Variants in FAM193A observed in about 807,000 individuals in gnomAD.
The protein encoded by FAM193A is family with sequence similarity 193 member A, also known as protein FAM193A.
FAM193A carries 22 observed loss-of-function variants against 126.5 expected under a neutral mutation model. The ratio of observed to expected loss-of-function variants is 0.17; its 90% CI spans 0.12 to 0.25. FAM193A has a LOEUF of 0.25. Among genes scored for constraint, FAM193A ranks in the 10% least tolerant of loss-of-function variants. The pLI, the probability that FAM193A is intolerant of heterozygous loss-of-function variation, is 1.00. For missense variants in FAM193A, 1,675 were observed against 1,672.8 expected (o/e 1.00, Z -0.02); for synonymous variants, 761 against 646.8 (o/e 1.18, Z -2.68).
intron 1 of FAM193A, among the ~76,000 whole-genome samples, chr4:2,566,161 C>T (rs1161519845): frequency 2.6e-5 from 4 of 151,844 alleles, no homozygotes; most frequent in South Asian, 2.1e-4. Context: ...CATTCTGCTG[C>T]CTCAACCTGA....
chr4:2,660,240 C>G (rs571787198), intron 10 of FAM193A, among the ~76,000 whole-genome samples, 186 bp downstream of exon 10: 2 of 151,246 alleles, frequency 1.3e-5, no homozygotes, highest in South Asian at 4.2e-4. Context: ...CACTGTTTAT[C>G]TGGGAAAAAA....
intron 12 of FAM193A, among the ~76,000 whole-genome samples, chr4:2,668,434 T>G (rs2298963): frequency 0.84 from 127,404 of 151,934 alleles, 53,951 homozygotes; most frequent in African/African-American, 0.96. Flanking sequence ...GGCTGGTCTC[T>G]AACTGGCCTC....
chr4:2,584,771 A>G (rs1429867205), intron 1 of FAM193A, among the ~76,000 whole-genome samples: 1 of 152,044 alleles, frequency 6.6e-6, no homozygotes, highest in Non-Finnish European at 1.5e-5. Flanking sequence ...CTAAAAATAC[A>G]AAAATTAGCT....
intron 2 of FAM193A, among the ~76,000 whole-genome samples, chr4:2,606,886 T>G (rs1741581001): frequency 6.6e-6 from 1 of 152,230 alleles, no homozygotes; most frequent in South Asian, 2.1e-4. Context: ...AAATTATGAT[T>G]ATGAGAAAAG....
At chr4:2,595,105 G>A (rs1560467645) in intron 1 of FAM193A, among the ~76,000 whole-genome samples, 2 of 151,782 alleles carry the variant, frequency 1.3e-5, no homozygotes, top group Admixed American at 1.3e-4. Flanking sequence ...CTAGAGTGCA[G>A]TGGCACGATC....
At chr4:2,572,926 A>G (rs530550586) in intron 1 of FAM193A, among the ~76,000 whole-genome samples, 1 of 152,048 alleles carries the variant, frequency 6.6e-6, no homozygotes, top group Non-Finnish European at 1.5e-5. Flanking sequence ...GGTTGAACGT[A>G]GCAGGATCAA....
intron 20 of FAM193A, among the ~76,000 whole-genome samples, chr4:2,729,394 C>T (rs1257890950): frequency 2.6e-5 from 4 of 152,156 alleles, no homozygotes; most frequent in East Asian, 3.9e-4. Flanking sequence ...AGAAGGGACG[C>T]GAGGCCCTGA....
intron 1 of FAM193A, among the ~76,000 whole-genome samples, chr4:2,547,029 T>C (rs1195947980): frequency 6.6e-6 from 1 of 152,180 alleles, no homozygotes; most frequent in Non-Finnish European, 1.5e-5. Context: ...GGCAGTCTAC[T>C]GGTCTGGCCT....
intron 15 of FAM193A, among the ~76,000 whole-genome samples, chr4:2,691,720 G>C (rs1325380122): frequency 3.3e-5 from 5 of 150,866 alleles, no homozygotes; most frequent in African/African-American, 1.2e-4. Context: ...GGGGAGGGTT[G>C]CTTAAGCCTG....
intron 1 of FAM193A, among the ~76,000 whole-genome samples, chr4:2,561,907 A>C (rs766146777): frequency 6.6e-6 from 1 of 152,080 alleles, no homozygotes; most frequent in Non-Finnish European, 1.5e-5. Context: ...TGGCTTGTGA[A>C]CTCAACTTGT....
At chr4:2,546,273 T>C (rs1276135736) in intron 1 of FAM193A, among the ~76,000 whole-genome samples, 1 of 152,078 alleles carries the variant, frequency 6.6e-6, no homozygotes, top group Non-Finnish European at 1.5e-5. Context: ...ATTACAGGTG[T>C]AGGCTACTGT....
chr4:2,691,856 C>T (rs1156763055), intron 15 of FAM193A, among the ~76,000 whole-genome samples: 1 of 151,920 alleles, frequency 6.6e-6, no homozygotes, highest in East Asian at 1.9e-4. Context: ...GATTGGGATG[C>T]TCAAACAGAG....
intron 1 of FAM193A, among the ~76,000 whole-genome samples, chr4:2,590,468 A>AAG (rs1740473250): frequency 2.3e-5 from 2 of 85,310 alleles, no homozygotes; most frequent in Non-Finnish European, 4.3e-5. Flanking sequence ...CATCTCAAAA[A>AAG]AAAAAAACAA....
At chr4:2,706,030 A>AC (rs1433165862) in intron 19 of FAM193A, among the ~76,000 whole-genome samples, 10 of 149,184 alleles carry the variant, frequency 6.7e-5, no homozygotes, top group African/African-American at 2.5e-4. Flanking sequence ...ACATAGTGAG[A>AC]CCCCATCTCT....
chr4:2,551,931 C>T (rs755646076), intron 1 of FAM193A, among the ~76,000 whole-genome samples: 7 of 151,736 alleles, frequency 4.6e-5, no homozygotes, highest in Admixed American at 1.3e-4. Flanking sequence ...ACCTTGAACT[C>T]CTGGACTCAA....
intron 12 of FAM193A, among the ~76,000 whole-genome samples, chr4:2,665,619 C>T (rs979947419): frequency 6.6e-6 from 1 of 152,216 alleles, no homozygotes; most frequent in Non-Finnish European, 1.5e-5. Flanking sequence ...AGCAGTCTTG[C>T]TGCCTCAGCC....
chr4:2,714,361 C>G lies in FAM193A; in HGVS notation c.4373-1662C>G, dbSNP rs979113524. On this transcript the variant is annotated intron_variant, in intron 19 of 20. Transcript: ENST00000637812. ...TGTGGCTGGGGGCTGTCCTCACTCT[C>G]CAGTCACATCCGCTATTCTGTGCCA... 2.0e-5 allele frequency among the ~76,000 whole-genome samples: 3 copies of G among 152,150 alleles called. No individual in the cohort carries two copies. The East Asian group carries it at 5.8e-4, about 29-fold the overall frequency.
intron 1 of FAM193A, among the ~76,000 whole-genome samples, chr4:2,592,342 C>T (rs1384201091): frequency 6.6e-6 from 1 of 152,176 alleles, no homozygotes; most frequent in Non-Finnish European, 1.5e-5. Context: ...CCTGCCTCGG[C>T]CTCACAGAGT....
intron 13 of FAM193A, among the ~76,000 whole-genome samples, chr4:2,683,441 C>G (rs760697407): frequency 2.0e-5 from 3 of 152,118 alleles, no homozygotes; most frequent in Non-Finnish European, 4.4e-5. Flanking sequence ...ATTACAGGCT[C>G]CCGCCATCAT....
Sources: gnomAD v4.1 joint callset for allele counts (sites outside exome capture counted in the v4.1 genomes callset) on GRCh38, gnomAD v4.1.1 for gene constraint, MANE v1.5 for transcripts, NCBI Gene and HGNC (gene_info 2026-07-23, HGNC 2026-07-21) for gene names.